GCSAML: variants seen among roughly 807,000 people sequenced by gnomAD.
GCSAML encodes the protein germinal center associated signaling and motility like, also known as germinal center-associated signaling and motility-like protein.
In GCSAML, 9 loss-of-function variants were observed where a neutral mutation model predicts 13.0. The observed-to-expected ratio is 0.69, with a 90% CI of 0.42 to 1.21. The LOEUF (loss-of-function observed/expected upper bound fraction) is 1.21. Ranked by LOEUF, GCSAML falls within the 50% of genes most tolerant of loss-of-function variation. The probability of loss-of-function intolerance (pLI) is 0.00; values close to 1 mark genes in which losing one functional copy is unlikely to be tolerated. For missense variants in GCSAML, 143 were observed against 153.4 expected, an observed-to-expected ratio of 0.93 and a Z score of 0.36; for synonymous variants, 37 against 52.9, an observed-to-expected ratio of 0.70 and a Z score of 1.31.
At chr1:247,521,890 G>A (rs1240382782) in intron 1 of GCSAML, among the ~76,000 whole-genome samples, 2 of 152,096 alleles carry the variant, frequency 1.3e-5, no homozygotes, top group Non-Finnish European at 2.9e-5. Flanking sequence ...AGTCTGGGAA[G>A]TGAGGAGCGC....
intron 1 of GCSAML, among the ~76,000 whole-genome samples, chr1:247,521,345 G>A (rs931308431): frequency 2.2e-5 from 3 of 133,750 alleles, no homozygotes; most frequent in Non-Finnish European, 3.2e-5. Context: ...CCCTCTCCAC[G>A]GTCTCCCTCT....
At chr1:247,567,705 G>A (rs1403753836) in intron 4 of GCSAML, among the ~76,000 whole-genome samples, 1 of 152,184 alleles carries the variant, frequency 6.6e-6, no homozygotes, top group Non-Finnish European at 1.5e-5. Context: ...TAATGGGATT[G>A]CTGGGTCAAG....
chr1:247,541,131 T>C (rs547853100), intron 2 of GCSAML, among the ~76,000 whole-genome samples: 1 of 152,376 alleles, frequency 6.6e-6, no homozygotes, highest in African/African-American at 2.4e-5. Context: ...TCTAAACCTA[T>C]GCTGGTTTAA....
At chr1:247,522,131 C>T (rs1449510648) in intron 1 of GCSAML, among the ~76,000 whole-genome samples, 1 of 151,566 alleles carries the variant, frequency 6.6e-6, no homozygotes, top group African/African-American at 2.4e-5. Flanking sequence ...AAGTGAGGAG[C>T]CCCTCCGCCT....
intron 2 of GCSAML, chr1:247,532,131 G>C (rs1158071180): frequency 6.2e-7 from 1 of 1,614,116 alleles, no homozygotes; most frequent in Non-Finnish European, 8.5e-7. Flanking sequence ...GTGGCCTGCA[G>C]ATGGCAGCGT....
chr1:247,532,110 A>C (rs1211265582), intron 2 of GCSAML: 1 of 1,614,066 alleles, frequency 6.2e-7, no homozygotes, highest in East Asian at 2.2e-5. Context: ...GCATAATGAC[A>C]GTGTAATGGA....
intron 3 of GCSAML, 70 bp from the exon 4 acceptor site, chr1:247,565,861 A>G: frequency 8.0e-7 from 1 of 1,256,106 alleles, no homozygotes; most frequent in Non-Finnish European, 1.1e-6. Context: ...CTTTTCCTTC[A>G]ATCTGTGATG....
chr1:247,574,200 C>A lies in GCSAML; in HGVS notation c.226C>A (p.Pro76Thr). ...EVCYTVINHI[P>T]HQRSSLSSND... ...GTGCTACACTGTCATTAATCACATC[C>A]CCCATCAGAGATCCTCCCTGAGCTC... The change falls in exon 5 of 5, where the codon CCC becomes ACC. Residue 76 changes from proline (P) to threonine (T), a missense_variant. By Grantham distance (38) the Pro-to-Thr change is conservative (BLOSUM62 -1). Transcript: ENST00000366488. 1.2e-6 allele frequency: 2 copies of A among 1,613,854 alleles called. No individual in the cohort carries two copies. Among genetic ancestry groups the A allele is most frequent in the Non-Finnish European group, 1.7e-6 (2 of 1,179,804 alleles).
At chr1:247,544,371 G>T (rs1667500592), upstream of GCSAML, among the ~76,000 whole-genome samples, 1 of 152,180 alleles carries the variant, frequency 6.6e-6, no homozygotes, top group Non-Finnish European at 1.5e-5. Flanking sequence ...CGAAGTTTCT[G>T]TTCATATAAC....
chr1:247,566,237 AT>A (rs1668357893), intron 4 of GCSAML, among the ~76,000 whole-genome samples: 1 of 151,976 alleles, frequency 6.6e-6, no homozygotes. Flanking sequence ...CTGAAGTCTA[AT>A]TTTATTTATT....
intron 1 of GCSAML, among the ~76,000 whole-genome samples, chr1:247,521,296 A>G (rs1666407545): frequency 6.6e-6 from 1 of 150,848 alleles, no homozygotes; most frequent in African/African-American, 2.4e-5. Context: ...CAGTTTATGA[A>G]AAACATAATG....
intron 2 of GCSAML, chr1:247,528,461 A>G (rs371564545): frequency 6.6e-6 from 1 of 152,240 alleles, no homozygotes; most frequent in African/African-American, 2.4e-5. Flanking sequence ...GCCAAACACA[A>G]AGGGACAAAT....
intron 2 of GCSAML, among the ~76,000 whole-genome samples, chr1:247,563,096 C>T (rs1668199816): frequency 6.6e-6 from 1 of 151,812 alleles, no homozygotes; most frequent in African/African-American, 2.4e-5. Context: ...GATCTGCCCG[C>T]CTTGGCCTCC....
At chr1:247,532,873 GT>G (rs57652552) in intron 2 of GCSAML, among the ~76,000 whole-genome samples, 2,176 of 43,102 alleles carry the variant, frequency 0.05, 46 homozygotes, top group African/African-American at 0.18. Context: ...AAAAGACTGG[GT>G]GGGGGGTGTT....
chr1:247,546,563 G>A (rs570819695), upstream of GCSAML, among the ~76,000 whole-genome samples: 6 of 151,964 alleles, frequency 3.9e-5, no homozygotes, highest in East Asian at 5.9e-4. Context: ...GGGTTTCACT[G>A]TGTTAGCCAG....
chr1:247,537,480 G>A (rs550307953), intron 2 of GCSAML, among the ~76,000 whole-genome samples: 2 of 152,264 alleles, frequency 1.3e-5, no homozygotes, highest in African/African-American at 4.8e-5. Flanking sequence ...TTTGAACTCC[G>A]TTTCTGATTC....
At chr1:247,518,021 C>G (rs1666274799) in intron 1 of GCSAML, among the ~76,000 whole-genome samples, 1 of 152,206 alleles carries the variant, frequency 6.6e-6, no homozygotes, top group Non-Finnish European at 1.5e-5. Context: ...CCACTGCACA[C>G]TCCCACTTCC....
At chr1:247,559,699 A>C (rs1668059680) in intron 2 of GCSAML, among the ~76,000 whole-genome samples, 1 of 152,152 alleles carries the variant, frequency 6.6e-6, no homozygotes, top group African/African-American at 2.4e-5. Flanking sequence ...CTTTCTCACA[A>C]TTGCGGAGAC....
chr1:247,557,461 T>C (rs983582181), intron 2 of GCSAML, among the ~76,000 whole-genome samples: 2 of 152,154 alleles, frequency 1.3e-5, no homozygotes, highest in Non-Finnish European at 2.9e-5. Context: ...ACTGTAGGCT[T>C]TTCGTATTCT....
Sources: allele counts gnomAD v4.1 joint callset (sites outside exome capture counted in the v4.1 genomes callset), GRCh38; gene constraint gnomAD v4.1.1; transcripts MANE v1.5; gene names NCBI Gene and HGNC (gene_info 2026-07-23, HGNC 2026-07-21).